Variants in PTPRD observed in about 807,000 individuals in gnomAD.
PTPRD encodes the protein receptor-type tyrosine-protein phosphatase delta.
Under a neutral mutation model 214.5 loss-of-function variants are expected in PTPRD, and 34 were observed. The ratio of observed to expected loss-of-function variants is 0.16; its 90% CI spans 0.12 to 0.21. The LOEUF (loss-of-function observed/expected upper bound fraction) is 0.21, where lower values mean the gene tolerates loss of function less well. PTPRD is among the 10% of genes least tolerant of loss of function. PTPRD has a pLI of 1.00. For synonymous variants in PTPRD, 1,128 were observed against 845.7 expected, an observed-to-expected ratio of 1.33 and a Z score of -5.79; for missense variants, 2,545 against 2,398.7, an observed-to-expected ratio of 1.06 and a Z score of -1.27.
chr9:8,753,550 A>G (rs2093715251), intron 11 of PTPRD, among the ~76,000 whole-genome samples: 1 of 151,800 alleles, frequency 6.6e-6, no homozygotes, highest in Non-Finnish European at 1.5e-5. Flanking sequence ...CTTAAACAGG[A>G]GCTAGTCAAC....
intron 3 of PTPRD, among the ~76,000 whole-genome samples, chr9:10,329,680 G>T (rs2096713994): frequency 6.6e-6 from 1 of 151,800 alleles, no homozygotes; most frequent in African/African-American, 2.4e-5. Context: ...TGGAAAAATA[G>T]AACGTGTGAA....
chr9:8,552,685 T>C (rs1289045368), intron 14 of PTPRD, among the ~76,000 whole-genome samples: 2 of 151,662 alleles, frequency 1.3e-5, no homozygotes, highest in African/African-American at 2.4e-5. Context: ...TGAGCAATGC[T>C]GGAGGAAAGA....
chr9:9,663,038 CTAATTT>C (rs2096650074), intron 7 of PTPRD, among the ~76,000 whole-genome samples: 1 of 151,378 alleles, frequency 6.6e-6, no homozygotes, highest in Non-Finnish European at 1.5e-5. Context: ...TGATTCCTAT[CTAATTT>C]TGAGATACAT....
chr9:8,744,027 G>A (rs1427651391), intron 11 of PTPRD, among the ~76,000 whole-genome samples: 2 of 151,740 alleles, frequency 1.3e-5, no homozygotes, highest in African/African-American at 2.4e-5. Flanking sequence ...ACAAGCATAT[G>A]GAAAAACGCT....
rs139225410 is a variant in PTPRD, at chr9:9,925,172, A to G, written c.-368+13335T>C. On this transcript the variant is annotated intron_variant, in intron 5 of 45. Transcript: ENST00000381196. Reference sequence around the variant, plus strand: ...ATCACAAATCTACAATTTGCTCACAAATTTTTAGTGGCAATGATCACTTAT... The same window carrying G: ...ATCACAAATCTACAATTTGCTCACAGATTTTTAGTGGCAATGATCACTTAT... Among the ~76,000 whole-genome samples the G allele has an allele frequency of 2.0e-4, 30 of 152,184 alleles. No individual in the cohort carries two copies. In the East Asian group the frequency reaches 5.6e-3, roughly 28 times the overall value.
chr9:10,410,026 T>G (rs1056269167), intron 2 of PTPRD, among the ~76,000 whole-genome samples: 3 of 151,620 alleles, frequency 2.0e-5, no homozygotes, highest in Non-Finnish European at 2.9e-5. Flanking sequence ...TAAATATTTA[T>G]TGTTGCATCA....
At chr9:10,510,146 C>G (rs1030987079) in intron 2 of PTPRD, among the ~76,000 whole-genome samples, 3 of 151,976 alleles carry the variant, frequency 2.0e-5, no homozygotes, top group African/African-American at 7.2e-5. Context: ...TGTATTTGGC[C>G]TTAGAATATG....
At chr9:9,270,689 T>C (rs1026757715) in intron 9 of PTPRD, among the ~76,000 whole-genome samples, 1 of 151,368 alleles carries the variant, frequency 6.6e-6, no homozygotes, top group African/African-American at 2.4e-5. Context: ...ATAGAAAGAT[T>C]TCATTGGCTA....
At chr9:9,216,028 A>G (rs570473591) in intron 9 of PTPRD, among the ~76,000 whole-genome samples, 1 of 152,264 alleles carries the variant, frequency 6.6e-6, no homozygotes, top group East Asian at 1.9e-4. Context: ...TGTGTGGTTC[A>G]GAACACACAA....
At chr9:8,645,422 T>C (rs2096665803) in intron 12 of PTPRD, among the ~76,000 whole-genome samples, 1 of 152,234 alleles carries the variant, frequency 6.6e-6, no homozygotes, top group African/African-American at 2.4e-5. Flanking sequence ...CTCAATACAG[T>C]TCTTGACACT....
chr9:10,600,529 C>T (rs2077702335), intron 2 of PTPRD, among the ~76,000 whole-genome samples: 1 of 151,762 alleles, frequency 6.6e-6, no homozygotes, highest in African/African-American at 2.4e-5. Flanking sequence ...TACATGTCTA[C>T]AGAGGCCAGG....
intron 3 of PTPRD, among the ~76,000 whole-genome samples, chr9:10,301,461 CA>C (rs1464399447): frequency 3.3e-5 from 5 of 152,154 alleles, no homozygotes; most frequent in African/African-American, 1.2e-4. Context: ...TGGGTAATAA[CA>C]AACTCCTCCG....
intron 11 of PTPRD, among the ~76,000 whole-genome samples, chr9:8,886,516 C>T (rs192366077): frequency 6.6e-6 from 1 of 152,158 alleles, no homozygotes; most frequent in East Asian, 1.9e-4. Flanking sequence ...GTTTTAAGTT[C>T]TAGTTGGTTA....
At chr9:9,601,111 ATGTGTG>A (rs140016979) in intron 7 of PTPRD, among the ~76,000 whole-genome samples, 5,735 of 97,132 alleles carry the variant, frequency 0.059, 209 homozygotes, top group Middle Eastern at 0.1. Flanking sequence ...AGATTAATAT[ATGTGTG>A]TGTGTGTGTG....
At chr9:10,357,112 T>G (rs2097293755) in intron 2 of PTPRD, among the ~76,000 whole-genome samples, 2 of 151,998 alleles carry the variant, frequency 1.3e-5, no homozygotes, top group South Asian at 4.2e-4. Context: ...CAGAAAACAC[T>G]CCAAAAAATA....
chr9:9,058,842 G>C (rs992844855), intron 10 of PTPRD, among the ~76,000 whole-genome samples: 2 of 152,112 alleles, frequency 1.3e-5, no homozygotes, highest in Non-Finnish European at 2.9e-5. Flanking sequence ...GGCAAGGTTA[G>C]CTTTGGGAAA....
intron 9 of PTPRD, among the ~76,000 whole-genome samples, chr9:9,369,399 A>G (rs1271459665): frequency 6.6e-6 from 1 of 152,038 alleles, no homozygotes; most frequent in Non-Finnish European, 1.5e-5. Context: ...TGGCTGCATA[A>G]ATGTCTTCTT....
chr9:8,523,462 G>GGTTTAATTAATAGTTTTGT, intron 19 of PTPRD, 51 bp downstream of exon 19: 1 of 1,586,218 alleles, frequency 6.3e-7, no homozygotes, highest in South Asian at 1.1e-5. Context: ...CTTTGTTATT[G>GGTTTAATTAATAGTTTTGT]GTTTAATTAA....
At chr9:8,950,433 G>C (rs2099095217) in intron 11 of PTPRD, among the ~76,000 whole-genome samples, 1 of 150,654 alleles carries the variant, frequency 6.6e-6, no homozygotes, top group Non-Finnish European at 1.5e-5. Flanking sequence ...AAGCTGTGGG[G>C]CAAAACCATC....
Sources: allele counts gnomAD v4.1 joint callset (sites outside exome capture counted in the v4.1 genomes callset), GRCh38; gene constraint gnomAD v4.1.1; transcripts MANE v1.5; gene names NCBI Gene and HGNC (gene_info 2026-07-23, HGNC 2026-07-21).